MLLT1: variants seen among roughly 807,000 people sequenced by gnomAD.
The protein encoded by MLLT1 is protein ENL.
MLLT1 carries 11 observed loss-of-function variants against 55.1 expected under a neutral mutation model. The observed-to-expected ratio is 0.20, with a 90% CI of 0.13 to 0.33. The LOEUF (loss-of-function observed/expected upper bound fraction) is 0.33. Ranked by LOEUF, MLLT1 falls within the 10% of genes least tolerant of loss-of-function variation. MLLT1 has a pLI of 1.00. For missense variants in MLLT1, 536 were observed against 760.6 expected (o/e 0.70, Z 3.47); for synonymous variants, 323 against 320.1 (o/e 1.01, Z -0.10).
intron 3 of MLLT1, among the ~76,000 whole-genome samples, chr19:6,245,081 C>T (rs937030153): frequency 6.6e-6 from 1 of 152,088 alleles, no homozygotes; most frequent in Middle Eastern, 3.2e-3. Context: ...TGGCTCACGC[C>T]TATAATCTCA....
chr19:6,225,828 G>C (rs2090951768), intron 5 of MLLT1, among the ~76,000 whole-genome samples: 1 of 152,238 alleles, frequency 6.6e-6, no homozygotes, highest in Non-Finnish European at 1.5e-5. Context: ...GTTTTAGGTG[G>C]CTTGAAGTGA....
intron 3 of MLLT1, among the ~76,000 whole-genome samples, chr19:6,258,282 T>TTC (rs1555709557): frequency 6.6e-6 from 1 of 152,052 alleles, no homozygotes; most frequent in Non-Finnish European, 1.5e-5. Context: ...CAGAAAATGG[T>TTC]ATAGCTGTCC....
rs138024977 is a variant in MLLT1 at position 6,261,258 on chromosome 19, C to T, written c.276+970G>A. On this transcript the variant is annotated intron_variant, in intron 3 of 11. Transcript: ENST00000252674. ...TCAGAATGACCTAGGTTTCTGTGAA[C>T]TGGACCCCGCGCGAGGCCTTGCATC... 1.5e-3 allele frequency among the ~76,000 whole-genome samples: 223 copies of T among 152,340 alleles called. 2 individuals are homozygous for T. Among genetic ancestry groups the T allele is most frequent in the African/African-American group, 5.2e-3 (216 of 41,580 alleles).
chr19:6,217,529 T>G (rs561517187), intron 7 of MLLT1, among the ~76,000 whole-genome samples: 1 of 152,262 alleles, frequency 6.6e-6, no homozygotes, highest in East Asian at 1.9e-4. Flanking sequence ...GAGAGGGCAC[T>G]CCAAACACTC....
intron 6 of MLLT1, among the ~76,000 whole-genome samples, chr19:6,218,409 A>G (rs532189761): frequency 1.4e-4 from 21 of 152,232 alleles, no homozygotes; most frequent in Non-Finnish European, 2.4e-4. Context: ...GCCTTCGTCC[A>G]AGAGGGCAGG....
At chr19:6,251,808 G>A (rs1285123883) in intron 3 of MLLT1, among the ~76,000 whole-genome samples, 1 of 151,902 alleles carries the variant, frequency 6.6e-6, no homozygotes, top group African/African-American at 2.4e-5. Flanking sequence ...CGAATGAATA[G>A]CTGGGCATGG....
At chr19:6,272,757 G>A (rs1398068433) in intron 1 of MLLT1, among the ~76,000 whole-genome samples, 2 of 152,234 alleles carry the variant, frequency 1.3e-5, no homozygotes, top group African/African-American at 2.4e-5. Flanking sequence ...TCTAAATGCT[G>A]CTTTTGGAGA....
chr19:6,213,347 A>G lies in MLLT1; in HGVS notation c.1541T>C (p.Val514Ala). 1 of 1,612,228 alleles carries G rather than the reference A, an allele frequency of 6.2e-7. No homozygotes were observed. Among genetic ancestry groups the G allele is most frequent in the Non-Finnish European group, 8.5e-7 (1 of 1,179,832 alleles). Reference sequence around the variant, plus strand: ...TCAGGGGGGCGATACCTGCTGCAGCACGTTGCGCTCCCGCAGCGCCATCAG... The same window carrying G: ...TCAGGGGGGCGATACCTGCTGCAGCGCGTTGCGCTCCCGCAGCGCCATCAG... ...RRLMALRERN[V>A]LQQIVNLIEE... The change falls in exon 11 of 12, where the codon GTG (valine) becomes GCG (alanine). Residue 514 changes from valine (V) to alanine (A), a missense_variant. Physicochemically the swap from Val to Ala is moderately conservative, Grantham distance 64. This residue lies in a region of MLLT1 where 25 missense variants were observed against 75.8 expected (regional missense o/e 0.33). Transcript: ENST00000252674.
chr19:6,214,044 C>G lies in MLLT1; in HGVS notation c.1308-6G>C. The G allele has an allele frequency of 7.0e-7, 1 of 1,430,338 alleles. No homozygotes were observed. Among genetic ancestry groups the G allele is most frequent in the Non-Finnish European group, 9.2e-7 (1 of 1,092,582 alleles). The allele number at this position is 1,430,338 out of a possible 1,614,324, so 88.6% of individuals were successfully genotyped here. ...CGCTGTCGCTGAAGCTCAACCTGAA[C>G]CGACACACGGGGGCGCATCAGGCCC... is the stretch of plus-strand genomic sequence containing the variant. On this transcript the variant is annotated splice_polypyrimidine_tract_variant and splice_region_variant and intron_variant, in intron 8 of 11. Transcript: ENST00000252674.
intron 7 of MLLT1, 82 bp from the exon 8 acceptor site, chr19:6,216,595 G>A (rs963430502): frequency 1.5e-5 from 15 of 994,340 alleles, no homozygotes; most frequent in African/African-American, 1.1e-4. Flanking sequence ...ATGAGGCCAC[G>A]CAGAGCTTCT....
At position 6,230,825 on chromosome 19, in the gene MLLT1, C is replaced by A. The variant is rs2091002055; in HGVS notation, c.277-112G>T. On this transcript the variant is annotated intron_variant, in intron 3 of 11. Coordinates refer to ENST00000252674, the MANE Select transcript of MLLT1 (RefSeq NM_005934.4). This position sits in a 1 kb window ranked among gnomAD's most constrained non-coding sequence, Gnocchi z 9.0. The stretch of plus-strand genomic sequence containing the variant: ...TCCCTCACTGGGCCTCTGTTCCCCT[C>A]CCTCCGATTTGCGCCCACTTCTCTC... 5 of 1,379,956 alleles carry A rather than the reference C, an allele frequency of 3.6e-6. No homozygotes were observed. Among genetic ancestry groups the A allele is most frequent in the Non-Finnish European group, 5.0e-6 (5 of 1,005,840 alleles). The allele number at this position is 1,379,956 out of a possible 1,614,324, so 85.5% of individuals were successfully genotyped here.
rs547009221 is a variant in MLLT1 at position 6,219,101 on chromosome 19, C to T, written c.1111-1060G>A. 6.6e-6 allele frequency among the ~76,000 whole-genome samples: 1 copy of T among 152,140 alleles called. No individual in the cohort carries two copies. Among genetic ancestry groups the T allele is most frequent in the Admixed American group, 6.5e-5 (1 of 15,282 alleles). ...GAGTGCCTGGGAGCCCCCGGCCCCT[C>T]CCCTAGCATGTGGAGGAGACAGCCT... On this transcript the variant is annotated intron_variant, in intron 6 of 11. Coordinates refer to ENST00000252674, the MANE Select transcript of MLLT1 (RefSeq NM_005934.4). The surrounding 1 kb of genome is among the most constrained non-coding windows in gnomAD (Gnocchi z 4.5).
Position 6,262,045 on chromosome 19 carries a change from C to T in MLLT1, c.276+183G>A, listed in dbSNP as rs1003525593. Among the ~76,000 whole-genome samples the T allele has an allele frequency of 1.1e-4, 16 of 152,196 alleles. No homozygotes were observed. Among genetic ancestry groups the T allele is most frequent in the African/African-American group, 3.9e-4 (16 of 41,440 alleles). On this transcript the variant is annotated intron_variant, in intron 3 of 11. Transcript: ENST00000252674. The surrounding 1 kb of genome is among the most constrained non-coding windows in gnomAD (Gnocchi z 4.4). ...CGCCCACCTGCTGTCATGAAACCAGCCGTGTCCTGGCCCCCGACGTCCCCA... is the reference window on the plus strand; with the variant it reads ...CGCCCACCTGCTGTCATGAAACCAGTCGTGTCCTGGCCCCCGACGTCCCCA...
intron 6 of MLLT1, among the ~76,000 whole-genome samples, chr19:6,218,906 C>T (rs554338159): frequency 2.6e-5 from 4 of 152,246 alleles, no homozygotes; most frequent in East Asian, 3.9e-4. Context: ...CTTGGGGGCC[C>T]GTCTGGTGGA....
At chr19:6,213,535 A>C in intron 10 of MLLT1, 127 bp from the exon 11 acceptor site, 1 of 1,020,996 alleles carries the variant, frequency 9.8e-7, no homozygotes, top group Non-Finnish European at 1.5e-6. Context: ...CAAACCAAGG[A>C]AGGCCCAAGG....
intron 5 of MLLT1, among the ~76,000 whole-genome samples, chr19:6,224,717 T>G (rs926568624): frequency 2.6e-5 from 4 of 152,152 alleles, no homozygotes; most frequent in African/African-American, 4.8e-5. Flanking sequence ...ACTACGATTT[T>G]TTTGTTTGTT....
At chr19:6,278,097 CACAG>C (rs2091436344) in intron 1 of MLLT1, among the ~76,000 whole-genome samples, 2 of 152,060 alleles carry the variant, frequency 1.3e-5, no homozygotes, top group African/African-American at 4.8e-5. Flanking sequence ...CATGAAACCA[CACAG>C]ACAGTGCCAC....
chr19:6,219,478 G>C lies in MLLT1; in HGVS notation c.1111-1437C>G, dbSNP rs1180995452. Among the ~76,000 whole-genome samples the C allele has an allele frequency of 6.6e-6, 1 of 152,194 alleles. No homozygotes were observed. The highest frequency in any genetic ancestry group is 1.5e-5 in the Non-Finnish European group (1 of 68,014). On this transcript the variant is annotated intron_variant, in intron 6 of 11. Transcript: ENST00000252674. The surrounding 1 kb of genome is among the most constrained non-coding windows in gnomAD (Gnocchi z 4.5). ...GTTCTTGGGGGCCAGGGGTGAGTAA[G>C]AGGTGACCGAGAGATGGCCTATTTA...
chr19:6,272,075 T>A (rs1267148816), intron 1 of MLLT1, among the ~76,000 whole-genome samples: 1 of 151,800 alleles, frequency 6.6e-6, no homozygotes, highest in Non-Finnish European at 1.5e-5. Flanking sequence ...GCAGATCCTA[T>A]CGCCCCCACC....
Sources: allele counts gnomAD v4.1 joint callset (sites outside exome capture counted in the v4.1 genomes callset), GRCh38; gene constraint gnomAD v4.1.1; regional missense constraint gnomAD v4.1.1; non-coding constraint Gnocchi (gnomAD v3.1); transcripts MANE v1.5; gene names NCBI Gene and HGNC (gene_info 2026-07-23, HGNC 2026-07-21).